SPMIP7: variants seen among roughly 807,000 people sequenced by gnomAD.
The protein encoded by SPMIP7 is sperm microtubule inner protein 7.
chr7:50,144,968 C>A, the SPMIP7 span, among the ~76,000 whole-genome samples: 1 of 151,512 alleles, frequency 6.6e-6, no homozygotes, highest in East Asian at 2.0e-4. Context: ...AGATGAGAAT[C>A]CTGCTTTTTC....
chr7:50,125,253 T>C, the SPMIP7 span, among the ~76,000 whole-genome samples: 5 of 49,530 alleles, frequency 1.0e-4, no homozygotes, highest in South Asian at 5.2e-4. Flanking sequence ...TATATACACA[T>C]ATATATACAC....
chr7:50,112,918 A>G, the SPMIP7 span, among the ~76,000 whole-genome samples: 1 of 143,550 alleles, frequency 7.0e-6, no homozygotes. Context: ...TATGCAAAAG[A>G]GATCGCTCAG....
the SPMIP7 span, chr7:50,096,095 G>A: frequency 6.8e-7 from 1 of 1,474,862 alleles, no homozygotes; most frequent in African/African-American, 1.4e-5. Context: ...CATGGATGTA[G>A]AAATTCAGGA....
chr7:50,105,092 G>A, the SPMIP7 span, among the ~76,000 whole-genome samples: 2 of 152,162 alleles, frequency 1.3e-5, no homozygotes, highest in Non-Finnish European at 2.9e-5. Context: ...TGAGGATTAT[G>A]TTCTTAATCA....
chr7:50,110,999 T>C, the SPMIP7 span, among the ~76,000 whole-genome samples: 13 of 143,592 alleles, frequency 9.1e-5, no homozygotes, highest in African/African-American at 3.3e-4. Context: ...TAAATATATA[T>C]GTAATATCTT....
chr7:50,149,143 TAAA>T, the SPMIP7 span, among the ~76,000 whole-genome samples: 1,191 of 148,972 alleles, frequency 8.0e-3, 9 homozygotes, highest in African/African-American at 0.021. Flanking sequence ...AGATTCCATC[TAAA>T]AAAAAAAAAA....
chr7:50,104,326 C>T, the SPMIP7 span: 2 of 1,529,224 alleles, frequency 1.3e-6, no homozygotes, highest in African/African-American at 1.4e-5. Flanking sequence ...TGGACAAGCC[C>T]TCTGAAAGTT....
At chr7:50,096,895 T>C in the SPMIP7 span, among the ~76,000 whole-genome samples, 2 of 152,348 alleles carry the variant, frequency 1.3e-5, no homozygotes, top group South Asian at 2.1e-4. Context: ...ATTCTAGATA[T>C]ATGGATAAGC....
the SPMIP7 span, among the ~76,000 whole-genome samples, chr7:50,143,530 G>A: frequency 6.6e-6 from 1 of 152,026 alleles, no homozygotes; most frequent in Non-Finnish European, 1.5e-5. Flanking sequence ...CTTCAGCATT[G>A]GAATCACCAA....
the SPMIP7 span, chr7:50,159,086 C>T: frequency 1.3e-6 from 2 of 1,551,988 alleles, no homozygotes; most frequent in African/African-American, 2.7e-5. Flanking sequence ...CTTCCGTCAC[C>T]AGGCTCCCCT....
At chr7:50,149,724 A>C in the SPMIP7 span, among the ~76,000 whole-genome samples, 1 of 152,202 alleles carries the variant, frequency 6.6e-6, no homozygotes, top group African/African-American at 2.4e-5. Context: ...ATAAGTCATC[A>C]CCAACAGAGT....
At chr7:50,096,012 G>T in the SPMIP7 span, 1 of 949,628 alleles carries the variant, frequency 1.1e-6, no homozygotes, top group Non-Finnish European at 1.5e-6. Flanking sequence ...ATTGGCAATA[G>T]AGTTTATATA....
At chr7:50,155,875 C>CCTCACTA in the SPMIP7 span, among the ~76,000 whole-genome samples, 2 of 152,022 alleles carry the variant, frequency 1.3e-5, no homozygotes, top group African/African-American at 2.4e-5. Context: ...CATCCATGGC[C>CCTCACTA]TGAGTGGGAC....
At chr7:50,149,862 G>A in the SPMIP7 span, among the ~76,000 whole-genome samples, 4 of 152,300 alleles carry the variant, frequency 2.6e-5, no homozygotes, top group South Asian at 8.3e-4. Context: ...AGAAATTGCA[G>A]TGTGAATCCT....
chr7:50,116,528 A>T, the SPMIP7 span, among the ~76,000 whole-genome samples: 1 of 152,268 alleles, frequency 6.6e-6, no homozygotes, highest in Non-Finnish European at 1.5e-5. Flanking sequence ...CTGTTGAGTA[A>T]TAAATTTATG....
the SPMIP7 span, among the ~76,000 whole-genome samples, chr7:50,126,331 C>G: frequency 2.7e-5 from 4 of 150,526 alleles, no homozygotes; most frequent in East Asian, 3.9e-4. Flanking sequence ...TCAAAGTTAA[C>G]AAAATTAATA....
At chr7:50,135,732 T>C in the SPMIP7 span, among the ~76,000 whole-genome samples, 2 of 152,126 alleles carry the variant, frequency 1.3e-5, no homozygotes, top group African/African-American at 4.8e-5. Flanking sequence ...CTAGGCTCGT[T>C]TGGAAGTGGG....
At chr7:50,125,173 CATATAT>C in the SPMIP7 span, among the ~76,000 whole-genome samples, 1 of 21,060 alleles carries the variant, frequency 4.7e-5, no homozygotes, top group African/African-American at 2.6e-4. Flanking sequence ...CATATATACA[CATATAT>C]ATACACATAT....
the SPMIP7 span, among the ~76,000 whole-genome samples, chr7:50,136,831 C>T: frequency 1.3e-5 from 2 of 152,134 alleles, no homozygotes; most frequent in African/African-American, 4.8e-5. Context: ...ACCCACAACA[C>T]AGGTTATCAT....
Sources: allele counts gnomAD v4.1 joint callset (sites outside exome capture counted in the v4.1 genomes callset), GRCh38; gene constraint gnomAD v4.1.1; transcripts MANE v1.5; gene names NCBI Gene and HGNC (gene_info 2026-07-23, HGNC 2026-07-21).